SLC28A3: variants seen among roughly 807,000 people sequenced by gnomAD.
The protein encoded by SLC28A3 is concentrative Na(+)-nucleoside cotransporter 3.
Under a neutral mutation model 84.2 loss-of-function variants are expected in SLC28A3, and 68 were observed. The ratio of observed to expected loss-of-function variants is 0.81; its 90% CI spans 0.66 to 0.99. The LOEUF is 0.99. Among genes scored for constraint, SLC28A3 ranks in the 50% least tolerant of loss-of-function variants. SLC28A3 has a pLI of 0.00. For synonymous variants in SLC28A3, 267 were observed against 303.6 expected (o/e 0.88, Z 1.25); for missense variants, 712 against 841.5 (o/e 0.85, Z 1.90).
At position 84,277,179 on chromosome 9, in the gene SLC28A3, T is replaced by C. The variant is rs1038684559; in HGVS notation, c.*1039A>G. On this transcript the variant is annotated 3_prime_UTR_variant, in exon 18 of 18. Coordinates refer to ENST00000376238, the MANE Select transcript of SLC28A3 (RefSeq NM_001199633.2). ...TTGTCACCAGGAATACATTACCAAA[T>C]GTGCAGATGAATAGGCCTACCGTTA... 1.3e-5 allele frequency: 2 copies of C among 152,222 alleles called. No individual in the cohort carries two copies. The highest frequency in any genetic ancestry group is 2.9e-5 in the Non-Finnish European group (2 of 68,032). 9.4% of individuals were successfully genotyped at this position (152,222 alleles called of 1,614,324 possible).
intron 5 of SLC28A3, among the ~76,000 whole-genome samples, chr9:84,301,420 G>T (rs556879049): frequency 5.9e-5 from 9 of 151,334 alleles, no homozygotes; most frequent in East Asian, 1.9e-4. Context: ...GTTCAGAAGG[G>T]TCATGGGCTT....
chr9:84,367,402 C>G, the SLC28A3 span, among the ~76,000 whole-genome samples: 2 of 152,212 alleles, frequency 1.3e-5, no homozygotes, highest in African/African-American at 4.8e-5. Flanking sequence ...GTGCTGGTAT[C>G]TGAAGCTAGC....
chr9:84,303,193 C>A (rs533093879), intron 4 of SLC28A3, among the ~76,000 whole-genome samples: 2 of 152,226 alleles, frequency 1.3e-5, no homozygotes, highest in East Asian at 3.9e-4. Context: ...CCTTATTAAC[C>A]TTTAACCAGA....
At chr9:84,287,930 ACT>A in intron 12 of SLC28A3, 116 bp downstream of exon 12, 2 of 1,328,668 alleles carry the variant, frequency 1.5e-6, no homozygotes, top group East Asian at 4.7e-5. Context: ...CTTTGGACTA[ACT>A]TTAATATTGT....
At chr9:84,340,110 G>A (rs1360313562) in intron 1 of SLC28A3, among the ~76,000 whole-genome samples, 1 of 152,168 alleles carries the variant, frequency 6.6e-6, no homozygotes, top group African/African-American at 2.4e-5. Context: ...GTGAGTTTTG[G>A]TTGATGAAGT....
At chr9:84,329,974 GAAGT>G (rs1184382273) in intron 1 of SLC28A3, among the ~76,000 whole-genome samples, 1 of 152,124 alleles carries the variant, frequency 6.6e-6, no homozygotes, top group Non-Finnish European at 1.5e-5. Context: ...ATATTATCAA[GAAGT>G]AAGATCTCAA....
intron 2 of SLC28A3, among the ~76,000 whole-genome samples, chr9:84,312,212 A>G (rs931955463): frequency 6.6e-6 from 1 of 151,550 alleles, no homozygotes; most frequent in Non-Finnish European, 1.5e-5. Flanking sequence ...TTATGTGGAC[A>G]TAAGTATTGT....
At chr9:84,317,002 A>AAAC (rs56145118) in intron 1 of SLC28A3, among the ~76,000 whole-genome samples, 34,679 of 150,158 alleles carry the variant, frequency 0.23, 4,520 homozygotes, top group East Asian at 0.58. Flanking sequence ...CTCCGTCTCA[A>AAAC]AACAACAACA....
chr9:84,340,820 GA>G, upstream of SLC28A3: 2 of 565,300 alleles, frequency 3.5e-6, no homozygotes, highest in Non-Finnish European at 6.3e-6. Context: ...GTGGGGCAGA[GA>G]GGCGGGCGGG....
At chr9:84,316,437 A>G (rs534881453) in intron 1 of SLC28A3, among the ~76,000 whole-genome samples, 1 of 152,272 alleles carries the variant, frequency 6.6e-6, no homozygotes, top group East Asian at 1.9e-4. Context: ...TGGCAGGTGC[A>G]CTTGTTCCTT....
chr9:84,346,969 G>A, the SLC28A3 span, among the ~76,000 whole-genome samples: 1 of 152,102 alleles, frequency 6.6e-6, no homozygotes, highest in Non-Finnish European at 1.5e-5. Flanking sequence ...GAGGTAAGGA[G>A]TTCAAGACCA....
At chr9:84,323,656 C>T (rs752381163) in intron 1 of SLC28A3, among the ~76,000 whole-genome samples, 1 of 152,042 alleles carries the variant, frequency 6.6e-6, no homozygotes, top group Non-Finnish European at 1.5e-5. Flanking sequence ...AATTCCTAAC[C>T]TCGTGATCCG....
intron 1 of SLC28A3, among the ~76,000 whole-genome samples, chr9:84,318,917 A>C (rs1271771489): frequency 6.6e-6 from 1 of 152,158 alleles, no homozygotes; most frequent in African/African-American, 2.4e-5. Flanking sequence ...AGCTTTCTTG[A>C]AGAAACTGCT....
chr9:84,278,713 G>A (rs751287643), intron 17 of SLC28A3, among the ~76,000 whole-genome samples: 25 of 152,122 alleles, frequency 1.6e-4, no homozygotes, highest in Non-Finnish European at 2.8e-4. Context: ...GACGATCATC[G>A]TGTTGTCTGG....
the SLC28A3 span, among the ~76,000 whole-genome samples, chr9:84,347,433 C>T: frequency 3.3e-5 from 5 of 152,046 alleles, no homozygotes; most frequent in Admixed American, 3.3e-4. Context: ...TAATTTGAGC[C>T]CATGCCTGTG....
At chr9:84,301,349 CAAAAAAAAA>C (rs59917986) in intron 5 of SLC28A3, among the ~76,000 whole-genome samples, 1 of 44,716 alleles carries the variant, frequency 2.2e-5, no homozygotes, top group South Asian at 1.2e-3. Context: ...GACTCTGTCT[CAAAAAAAAA>C]AAAAAAAAAA....
chr9:84,286,338 G>T (rs998400448), intron 12 of SLC28A3, among the ~76,000 whole-genome samples: 3 of 151,980 alleles, frequency 2.0e-5, no homozygotes, highest in Non-Finnish European at 4.4e-5. Context: ...TGTGTCTCAG[G>T]CTGGAGTAAA....
intron 6 of SLC28A3, 84 bp from the exon 7 acceptor site, chr9:84,298,103 T>C: frequency 9.0e-7 from 1 of 1,107,258 alleles, no homozygotes; most frequent in Non-Finnish European, 1.3e-6. Flanking sequence ...CACTATTTCC[T>C]TGAACACACT....
At chr9:84,368,000 G>A in the SLC28A3 span, among the ~76,000 whole-genome samples, 61 of 152,150 alleles carry the variant, frequency 4.0e-4, no homozygotes, top group Admixed American at 1.7e-3. Flanking sequence ...TTACTAATCC[G>A]CCTCAGCACA....
Sources: allele counts gnomAD v4.1 joint callset (sites outside exome capture counted in the v4.1 genomes callset), GRCh38; gene constraint gnomAD v4.1.1; transcripts MANE v1.5; gene names NCBI Gene and HGNC (gene_info 2026-07-23, HGNC 2026-07-21).